Variants in MCTP1 observed in about 807,000 individuals in gnomAD.
MCTP1 encodes multiple C2 and transmembrane domain containing 1.
In MCTP1, 69 loss-of-function variants were observed where a neutral mutation model predicts 120.6. The ratio of observed to expected loss-of-function variants is 0.57; its 90% confidence interval spans 0.47 to 0.70. The LOEUF is 0.70. Among genes scored for constraint, MCTP1 ranks in the 30% least tolerant of loss-of-function variants. MCTP1 has a pLI of 0.00. For synonymous variants in MCTP1, 529 were observed against 493.1 expected, an observed-to-expected ratio of 1.07 and a Z score of -0.96; for missense variants, 1,203 against 1,248.8, an observed-to-expected ratio of 0.96 and a Z score of 0.55.
chr5:94,927,538 G>A (rs1813469786), intron 6 of MCTP1, among the ~76,000 whole-genome samples: 2 of 152,176 alleles, frequency 1.3e-5, no homozygotes, highest in South Asian at 4.1e-4. Context: ...CTATGACCAA[G>A]AGTTTTCATT....
chr5:94,968,029 T>G (rs1173728072), intron 2 of MCTP1, among the ~76,000 whole-genome samples: 6 of 152,266 alleles, frequency 3.9e-5, no homozygotes, highest in South Asian at 4.1e-4. Flanking sequence ...TGATTGAGAG[T>G]CCTTAATATT....
intron 19 of MCTP1, among the ~76,000 whole-genome samples, chr5:94,773,855 A>C (rs1443858766): frequency 3.9e-5 from 6 of 152,148 alleles, no homozygotes; most frequent in Non-Finnish European, 7.4e-5. Flanking sequence ...CCCACAACAC[A>C]TGGGAAATAT....
chr5:94,889,013 A>C, intron 11 of MCTP1, 41 bp from the exon 12 acceptor site: 1 of 1,336,104 alleles, frequency 7.5e-7, no homozygotes, highest in Non-Finnish European at 1.1e-6. Flanking sequence ...GGGAGGTCCC[A>C]AGGAGTCTTA....
intron 1 of MCTP1, among the ~76,000 whole-genome samples, chr5:95,279,129 A>T (rs1374939025): frequency 1.3e-5 from 2 of 152,222 alleles, no homozygotes; most frequent in Non-Finnish European, 2.9e-5. Flanking sequence ...ATACTCCATT[A>T]ACCAGGATTG....
chr5:95,043,180 C>T (rs1842631239), intron 1 of MCTP1, among the ~76,000 whole-genome samples: 1 of 152,150 alleles, frequency 6.6e-6, no homozygotes, highest in African/African-American at 2.4e-5. Context: ...CAGTCTTCCA[C>T]AGAGGGTCAC....
intron 1 of MCTP1, among the ~76,000 whole-genome samples, chr5:95,216,390 T>C (rs1344308906): frequency 6.6e-6 from 1 of 152,150 alleles, no homozygotes; most frequent in Admixed American, 6.5e-5. Context: ...CCCCTACCTT[T>C]CCAGAGAATT....
chr5:95,065,768 A>G (rs1329412078), intron 1 of MCTP1, among the ~76,000 whole-genome samples: 1 of 152,220 alleles, frequency 6.6e-6, no homozygotes, highest in Non-Finnish European at 1.5e-5. Context: ...AATACAAAAT[A>G]CATGTTTCAA....
chr5:95,009,586 T>A (rs1835505302), intron 2 of MCTP1, among the ~76,000 whole-genome samples: 2 of 151,094 alleles, frequency 1.3e-5, no homozygotes, highest in African/African-American at 4.8e-5. Flanking sequence ...TATGAATATA[T>A]ATAAAAGATA....
rs1376619608 is a variant in MCTP1 at position 95,284,420 on chromosome 5, G to T, written c.156C>A (p.Asp52Glu). 1 of 1,570,386 alleles carries T rather than the reference G, an allele frequency of 6.4e-7. No homozygotes were observed. The highest frequency in any genetic ancestry group is 8.6e-7 in the Non-Finnish European group (1 of 1,166,592). ...RAGGPERRTA[D>E]TPSPSPPPPV... is the part of the protein sequence containing the mutation. ...GGGGTGGCGGGGAGGGCGACGGGGT[G>T]TCCGCAGTGCGGCGCTCTGGACCCC... Residue 52 changes from aspartate to glutamate, a missense_variant, in exon 1 of 23, where the codon GAC becomes GAA. Around this residue, in one of 2 missense-constraint regions of MCTP1, gnomAD observed 463 missense variants for 377.8 expected, o/e 1.23. Coordinates refer to ENST00000515393, the MANE Select transcript of MCTP1 (RefSeq NM_024717.7). This position sits in a 1 kb window ranked among gnomAD's most constrained non-coding sequence, Gnocchi z 5.2.
chr5:94,786,478 A>G (rs1185028056), intron 18 of MCTP1, among the ~76,000 whole-genome samples: 2 of 152,184 alleles, frequency 1.3e-5, no homozygotes, highest in Non-Finnish European at 2.9e-5. Flanking sequence ...TTAGACCTAC[A>G]TTTGGACTGA....
At chr5:95,086,014 C>T (rs990818470) in intron 1 of MCTP1, among the ~76,000 whole-genome samples, 1 of 151,782 alleles carries the variant, frequency 6.6e-6, no homozygotes, top group Non-Finnish European at 1.5e-5. Context: ...TATTTTTTTA[C>T]TATTGTTTAT....
intron 1 of MCTP1, among the ~76,000 whole-genome samples, chr5:95,257,970 C>T (rs143746612): frequency 6.6e-5 from 10 of 152,280 alleles, no homozygotes; most frequent in African/African-American, 2.4e-4. Flanking sequence ...CATTAGTCCA[C>T]ACTGATATAA....
chr5:94,988,639 T>C (rs561994069), intron 2 of MCTP1, among the ~76,000 whole-genome samples: 1 of 150,872 alleles, frequency 6.6e-6, no homozygotes, highest in African/African-American at 2.4e-5. Context: ...TCTAGCCTTA[T>C]TAAGGGAAGC....
intron 7 of MCTP1, among the ~76,000 whole-genome samples, chr5:94,918,810 T>C (rs1252552557): frequency 1.3e-5 from 2 of 152,208 alleles, no homozygotes; most frequent in Admixed American, 1.3e-4. Context: ...TGTGCAGCTA[T>C]TACATGCTGC....
intron 17 of MCTP1, among the ~76,000 whole-genome samples, chr5:94,804,343 C>T (rs551864268): frequency 6.6e-6 from 1 of 152,296 alleles, no homozygotes; most frequent in East Asian, 1.9e-4. Context: ...GATGGTTACA[C>T]CAGCCCATTT....
At chr5:94,900,408 G>A (rs530781538) in intron 10 of MCTP1, among the ~76,000 whole-genome samples, 3 of 152,300 alleles carry the variant, frequency 2.0e-5, no homozygotes, top group Admixed American at 2.0e-4. Context: ...GGAAATGGAG[G>A]CTCAATAATT....
At chr5:94,997,775 T>C (rs1234679807) in intron 2 of MCTP1, among the ~76,000 whole-genome samples, 4 of 152,158 alleles carry the variant, frequency 2.6e-5, no homozygotes, top group Non-Finnish European at 4.4e-5. Flanking sequence ...ATTTTTTCAA[T>C]ACATAAATGT....
intron 17 of MCTP1, among the ~76,000 whole-genome samples, chr5:94,823,807 T>C (rs1048518039): frequency 1.1e-4 from 17 of 152,196 alleles, no homozygotes; most frequent in African/African-American, 4.1e-4. Context: ...TTTGTAGCAA[T>C]TGTGAATGGG....
intron 2 of MCTP1, chr5:94,980,949 A>G (rs1376973883): frequency 2.0e-5 from 3 of 152,178 alleles, no homozygotes; most frequent in Non-Finnish European, 4.4e-5. Flanking sequence ...AAGATAAGCA[A>G]AGCAAAATGT....
Sources: allele counts gnomAD v4.1 joint callset (sites outside exome capture counted in the v4.1 genomes callset), GRCh38; gene constraint gnomAD v4.1.1; regional missense constraint gnomAD v4.1.1; non-coding constraint Gnocchi (gnomAD v3.1); transcripts MANE v1.5; gene names NCBI Gene and HGNC (gene_info 2026-07-23, HGNC 2026-07-21).